The following VPS54 variants were observed in gnomAD, a reference collection of about 807,000 sequenced individuals.
The protein encoded by VPS54 is VPS54 subunit of GARP complex.
VPS54 carries 45 observed loss-of-function variants against 121.5 expected under a neutral mutation model. That is an observed-to-expected ratio of 0.37 (90% confidence interval 0.29 to 0.47). VPS54 has a LOEUF of 0.47. Ranked by LOEUF, VPS54 falls within the 20% of genes least tolerant of loss-of-function variation. VPS54 has a pLI of 0.99. For synonymous variants in VPS54, 371 were observed against 385.8 expected (o/e 0.96, Z 0.45); for missense variants, 1,090 against 1,131.4 (o/e 0.96, Z 0.52).
At chr2:63,966,090 G>T in intron 5 of VPS54, 124 bp from the exon 6 acceptor site, 1 of 933,722 alleles carries the variant, frequency 1.1e-6, no homozygotes, top group Non-Finnish European at 1.6e-6. Flanking sequence ...AAAAGCAAGT[G>T]ATAACAGTTG....
intron 1 of VPS54, among the ~76,000 whole-genome samples, chr2:63,984,901 T>A (rs1323957683): frequency 6.6e-6 from 1 of 152,162 alleles, no homozygotes; most frequent in East Asian, 1.9e-4. Context: ...CTAGTCTAAG[T>A]TCTCTCAAAA....
chr2:63,997,827 C>A (rs1401275768), intron 1 of VPS54, among the ~76,000 whole-genome samples: 1 of 151,966 alleles, frequency 6.6e-6, no homozygotes, highest in African/African-American at 2.4e-5. Context: ...GATGTAGGCA[C>A]TTATAGCTAT....
intron 1 of VPS54, among the ~76,000 whole-genome samples, chr2:63,994,152 C>G (rs1422552986): frequency 6.6e-6 from 1 of 152,202 alleles, no homozygotes; most frequent in Non-Finnish European, 1.5e-5. Context: ...GATGGCAACA[C>G]AGACCCATCT....
intron 12 of VPS54, among the ~76,000 whole-genome samples, chr2:63,926,080 T>G (rs960046818): frequency 2.0e-5 from 3 of 152,228 alleles, no homozygotes; most frequent in African/African-American, 7.2e-5. Context: ...TGTTAAAATG[T>G]TTAACAAGCA....
chr2:64,015,047 A>C (rs1678615322), intron 1 of VPS54, among the ~76,000 whole-genome samples: 2 of 152,146 alleles, frequency 1.3e-5, no homozygotes, highest in African/African-American at 4.8e-5. Flanking sequence ...TTATACATAC[A>C]TATATAACAT....
intron 10 of VPS54, 28 bp downstream of exon 10, chr2:63,944,571 TA>T: frequency 6.3e-7 from 1 of 1,576,648 alleles, no homozygotes; most frequent in Non-Finnish European, 8.7e-7. Context: ...CTCTGACTGA[TA>T]ACCACCAACC....
intron 11 of VPS54, among the ~76,000 whole-genome samples, chr2:63,935,588 C>T (rs1202251791): frequency 6.6e-6 from 1 of 152,122 alleles, no homozygotes; most frequent in Non-Finnish European, 1.5e-5. Flanking sequence ...TATTCTACAT[C>T]ACTTTTCCCA....
At position 63,983,281 on chromosome 2, in the gene VPS54, G is replaced by A. The variant is rs185743637; in HGVS notation, c.136+583C>T. ...CAAGCAGCTGGGATTACAGGCACAC[G>A]CCACCACACCCAGCTAATTTTTTAT... On this transcript the variant is annotated intron_variant, in intron 2 of 22. Transcript: ENST00000272322. Among the ~76,000 whole-genome samples the A allele has an allele frequency of 5.7e-4, 86 of 151,292 alleles. No homozygotes were observed. The Middle Eastern group carries it at 0.02, about 36-fold the overall frequency.
At chr2:63,899,716 A>G (rs1672596465) in intron 20 of VPS54, 135 bp from the exon 21 acceptor site, 1 of 674,436 alleles carries the variant, frequency 1.5e-6, no homozygotes, top group Middle Eastern at 2.8e-4. Flanking sequence ...ACACTTTTCA[A>G]CTGTGATCTG....
chr2:63,969,076 G>A (rs1676148112), intron 4 of VPS54, 85 bp from the exon 5 acceptor site: 1 of 1,113,926 alleles, frequency 9.0e-7, no homozygotes, highest in Non-Finnish European at 1.3e-6. Context: ...ATTCAGTATT[G>A]TACTGGGTCA....
chr2:64,007,735 T>C (rs1035381414), intron 1 of VPS54, among the ~76,000 whole-genome samples: 4 of 152,120 alleles, frequency 2.6e-5, no homozygotes, highest in African/African-American at 9.7e-5. Flanking sequence ...TAATGAAAGC[T>C]CTGAAGAAGG....
In VPS54 at chr2:63,965,943, G is replaced by A. The variant is rs752538089; in HGVS notation, c.516C>T (p.Ala172=). ...AATTAAAAGTTAAGGAATCATCCAA[G>A]GCAAAATCTGGTTTCATAAAAATCT... The part of the protein sequence containing the change: ...VPKIFMKPDF[A]LDDSLTFNSV... The change falls in exon 6 of 23, where the codon GCC becomes GCT. Residue 172 remains alanine (A), a synonymous_variant. Transcript: ENST00000272322. The A allele has an allele frequency of 3.1e-6, 5 of 1,606,514 alleles. No individual in the cohort carries two copies. Among genetic ancestry groups the A allele is most frequent in the Non-Finnish European group, 4.2e-6 (5 of 1,177,838 alleles).
chr2:63,898,575 GAC>G (rs1672540284), intron 21 of VPS54, among the ~76,000 whole-genome samples: 1 of 152,106 alleles, frequency 6.6e-6, no homozygotes, highest in South Asian at 2.1e-4. Context: ...GTAGGCAAGA[GAC>G]ACTAAGAAAG....
At chr2:64,005,085 G>GCTT (rs1443177478) in intron 1 of VPS54, among the ~76,000 whole-genome samples, 46 of 86,706 alleles carry the variant, frequency 5.3e-4, no homozygotes, top group African/African-American at 1.7e-3. Flanking sequence ...GTCTACTATT[G>GCTT]CTTCTTTTTT....
chr2:63,980,677 C>T (rs1676764470), intron 3 of VPS54, among the ~76,000 whole-genome samples: 1 of 152,096 alleles, frequency 6.6e-6, no homozygotes, highest in African/African-American at 2.4e-5. Context: ...GTTTTGTTCT[C>T]TGCTGTATCC....
Position 63,919,882 on chromosome 2 carries a change from C to A in VPS54, c.2164+1G>T. 3.1e-6 allele frequency: 5 copies of A among 1,605,028 alleles called. No individual in the cohort carries two copies. Among genetic ancestry groups the A allele is most frequent in the Non-Finnish European group, 4.3e-6 (5 of 1,174,070 alleles). ...GAGAATGTGTGAATGAATACACATACCTCCTGATTTTTTTTCAGGTAAAGC... is the reference window on the plus strand; with the variant it reads ...GAGAATGTGTGAATGAATACACATAACTCCTGATTTTTTTTCAGGTAAAGC... On this transcript the variant is annotated splice_donor_variant, in intron 15 of 22. Transcript: ENST00000272322. LOFTEE classifies it high-confidence loss of function.
intron 11 of VPS54, among the ~76,000 whole-genome samples, chr2:63,939,104 A>G (rs1030372674): frequency 6.6e-6 from 1 of 152,136 alleles, no homozygotes; most frequent in Non-Finnish European, 1.5e-5. Flanking sequence ...TTTCTTTTAA[A>G]AAGTATAATA....
chr2:63,960,549 G>T (rs1675708946), intron 7 of VPS54, among the ~76,000 whole-genome samples: 1 of 152,132 alleles, frequency 6.6e-6, no homozygotes, highest in Admixed American at 6.5e-5. Flanking sequence ...GAGAATTTGT[G>T]TTTGCCAAGG....
At chr2:63,974,800 A>G (rs1327987376) in intron 3 of VPS54, among the ~76,000 whole-genome samples, 1 of 152,196 alleles carries the variant, frequency 6.6e-6, no homozygotes, top group Non-Finnish European at 1.5e-5. Flanking sequence ...CAAGCTTACT[A>G]TAGTCACTTA....
Sources: gnomAD v4.1 joint callset for allele counts (sites outside exome capture counted in the v4.1 genomes callset) on GRCh38, gnomAD v4.1.1 for gene constraint, MANE v1.5 for transcripts, NCBI Gene and HGNC (gene_info 2026-07-23, HGNC 2026-07-21) for gene names.